UBXN2A: variants seen among roughly 807,000 people sequenced by gnomAD.
UBXN2A encodes UBX domain-containing protein 2A.
UBXN2A carries 28 observed loss-of-function variants against 28.4 expected under a neutral mutation model. The ratio of observed to expected loss-of-function variants is 0.99; its 90% CI spans 0.73 to 1.35. UBXN2A has a LOEUF of 1.35. Among genes scored for constraint, UBXN2A ranks in the 40% most tolerant of loss-of-function variants. UBXN2A has a pLI of 0.00. For synonymous variants in UBXN2A, 97 were observed against 103.6 expected (o/e 0.94, Z 0.39); for missense variants, 253 against 297.9 (o/e 0.85, Z 1.11).
intron 1 of UBXN2A, among the ~76,000 whole-genome samples, chr2:23,946,121 T>C (rs1249430599): frequency 6.6e-6 from 1 of 152,152 alleles, no homozygotes; most frequent in Non-Finnish European, 1.5e-5. Flanking sequence ...CATGAGCCAC[T>C]GTGTCCAGCC....
At chr2:23,963,299 G>A (rs929735055) in intron 2 of UBXN2A, among the ~76,000 whole-genome samples, 2 of 151,768 alleles carry the variant, frequency 1.3e-5, no homozygotes, top group African/African-American at 2.4e-5. Flanking sequence ...GGCGGATCAC[G>A]AGGTCAGAAG....
At chr2:23,976,368 C>T (rs1049132219) in intron 3 of UBXN2A, among the ~76,000 whole-genome samples, 2 of 152,164 alleles carry the variant, frequency 1.3e-5, no homozygotes, top group African/African-American at 4.8e-5. Context: ...TTACTCAATT[C>T]TGTGCCTCGC....
At chr2:23,958,619 CTATT>C (rs1174461770) in intron 2 of UBXN2A, among the ~76,000 whole-genome samples, 1 of 152,188 alleles carries the variant, frequency 6.6e-6, no homozygotes, top group African/African-American at 2.4e-5. Flanking sequence ...AATTAAATAA[CTATT>C]TACCTCATTA....
intron 1 of UBXN2A, among the ~76,000 whole-genome samples, chr2:23,958,044 C>T (rs907384985): frequency 2.6e-5 from 4 of 152,136 alleles, no homozygotes; most frequent in Admixed American, 1.3e-4. Flanking sequence ...GAGGCACATG[C>T]CCAGTTCATT....
chr2:23,991,405 A>G (rs945630658), intron 6 of UBXN2A, among the ~76,000 whole-genome samples: 1 of 143,284 alleles, frequency 7.0e-6, no homozygotes, highest in African/African-American at 2.7e-5. Context: ...ATTTTATTTT[A>G]TACACACACA....
upstream of UBXN2A, chr2:23,940,462 C>T (rs1222540328): frequency 1.3e-5 from 2 of 151,052 alleles, no homozygotes; most frequent in Non-Finnish European, 3.0e-5. Context: ...CGTCGGCGCG[C>T]GCTTGGGCGC....
chr2:23,971,197 T>C (rs970064518), intron 2 of UBXN2A, 79 bp from the exon 3 acceptor site: 7 of 1,391,282 alleles, frequency 5.0e-6, no homozygotes, highest in South Asian at 2.0e-5. Context: ...CTAAGTTCAA[T>C]ATCCTTAACT....
intron 1 of UBXN2A, among the ~76,000 whole-genome samples, chr2:23,955,211 G>A (rs900763344): frequency 2.0e-5 from 3 of 152,076 alleles, no homozygotes; most frequent in Admixed American, 6.6e-5. Context: ...GATTACAGGC[G>A]TGAGCCATCG....
At chr2:23,961,089 AT>A (rs1283854384) in intron 2 of UBXN2A, among the ~76,000 whole-genome samples, 1 of 140,254 alleles carries the variant, frequency 7.1e-6, no homozygotes, top group East Asian at 2.0e-4. Context: ...TGTACTTTGA[AT>A]TTTTTTTGTT....
chr2:23,985,971 A>G (rs1708111537), intron 6 of UBXN2A, among the ~76,000 whole-genome samples: 1 of 152,010 alleles, frequency 6.6e-6, no homozygotes, highest in South Asian at 2.1e-4. Flanking sequence ...CCTGGGTGAC[A>G]TTGAGACCCT....
At chr2:23,978,432 AG>A (rs1219423866) in intron 4 of UBXN2A, among the ~76,000 whole-genome samples, 1 of 152,032 alleles carries the variant, frequency 6.6e-6, no homozygotes, top group African/African-American at 2.4e-5. Flanking sequence ...TCACGAGGTC[AG>A]GAGATCGAGA....
At chr2:23,965,537 C>A (rs991984462) in intron 2 of UBXN2A, among the ~76,000 whole-genome samples, 1 of 152,184 alleles carries the variant, frequency 6.6e-6, no homozygotes, top group African/African-American at 2.4e-5. Flanking sequence ...CAGTGTTAAA[C>A]CACTGCAGCC....
In UBXN2A at chr2:23,976,958, C is replaced by T. The variant is rs760428771; in HGVS notation, c.181-11C>T. The T allele has an allele frequency of 1.4e-5, 22 of 1,593,442 alleles. No individual in the cohort carries two copies. The African/African-American group carries it at 2.8e-4, about 20-fold the overall frequency. ...TTAACATGACGCATTTTGTTTCCTA[C>T]TGTTTTGCAGGTAGATGTAAATATA... is the stretch of plus-strand genomic sequence containing the variant. On this transcript the variant is annotated splice_polypyrimidine_tract_variant and intron_variant, in intron 3 of 6. Coordinates refer to ENST00000309033, the MANE Select transcript of UBXN2A (RefSeq NM_181713.4).
intron 1 of UBXN2A, among the ~76,000 whole-genome samples, chr2:23,946,556 C>A (rs1238590856): frequency 6.6e-6 from 1 of 150,990 alleles, no homozygotes; most frequent in Non-Finnish European, 1.5e-5. Context: ...CTCCTGACCT[C>A]GTGATCCACC....
chr2:23,989,216 G>C (rs1708246274), intron 6 of UBXN2A, among the ~76,000 whole-genome samples: 2 of 151,384 alleles, frequency 1.3e-5, no homozygotes, highest in African/African-American at 4.9e-5. Context: ...AATCAACAAA[G>C]ACACACACAA....
chr2:23,975,702 G>C (rs114772928), intron 3 of UBXN2A, among the ~76,000 whole-genome samples: 2 of 151,972 alleles, frequency 1.3e-5, no homozygotes, highest in African/African-American at 4.8e-5. Flanking sequence ...GCAGTGGTGC[G>C]ATCTCATCTC....
At chr2:23,940,106 GTC>G, upstream of UBXN2A, among the ~76,000 whole-genome samples, 1 of 95,780 alleles carries the variant, frequency 1.0e-5, no homozygotes, top group Admixed American at 1.3e-4. Context: ...GCGAGATTTA[GTC>G]TCAAAAAAAA....
Position 24,004,721 on chromosome 2 carries a change from A to G in UBXN2A, c.*4854A>G, listed in dbSNP as rs1311538311. ...GTGGTTTATTGGTTAATTACTATGC[A>G]TTTTTTTCAGTTTAAAAAATAATCT... On this transcript the variant is annotated 3_prime_UTR_variant, in exon 7 of 7. Transcript: ENST00000309033. 2.0e-5 allele frequency: 3 copies of G among 152,130 alleles called. No individual in the cohort carries two copies. Among genetic ancestry groups the G allele is most frequent in the Non-Finnish European group, 4.4e-5 (3 of 68,016 alleles). The allele number at this position is 152,130 out of a possible 1,614,324, so 9.4% of individuals were successfully genotyped here.
intron 1 of UBXN2A, among the ~76,000 whole-genome samples, chr2:23,951,747 C>T (rs1706383065): frequency 6.6e-6 from 1 of 151,978 alleles, no homozygotes; most frequent in East Asian, 1.9e-4. Flanking sequence ...AGGCATGAGT[C>T]ACTGTACCAT....
Sources: allele counts gnomAD v4.1 joint callset (sites outside exome capture counted in the v4.1 genomes callset), GRCh38; gene constraint gnomAD v4.1.1; transcripts MANE v1.5; gene names NCBI Gene and HGNC (gene_info 2026-07-23, HGNC 2026-07-21).